CSMD1: variants seen among roughly 807,000 people sequenced by gnomAD.
CSMD1 encodes the protein CUB and Sushi multiple domains 1, also known as CUB and sushi domain-containing protein 1.
CSMD1 carries 213 observed loss-of-function variants against 417.5 expected under a neutral mutation model. The ratio of observed to expected loss-of-function variants is 0.51; its 90% confidence interval spans 0.46 to 0.57. CSMD1 has a LOEUF of 0.57. Among genes scored for constraint, CSMD1 ranks in the 20% least tolerant of loss-of-function variants. The probability of loss-of-function intolerance (pLI) is 0.00; values close to 1 mark genes in which losing one functional copy is unlikely to be tolerated. For missense variants in CSMD1, 6,923 were observed against 4,529.7 expected (o/e 1.53, Z -15.17); for synonymous variants, 2,862 against 1,736.8 (o/e 1.65, Z -16.11).
At chr8:4,304,289 T>C (rs1386738816) in intron 3 of CSMD1, among the ~76,000 whole-genome samples, 6 of 152,206 alleles carry the variant, frequency 3.9e-5, no homozygotes, top group Non-Finnish European at 8.8e-5. Context: ...ACGGGTAACA[T>C]GTTCAATATA....
intron 10 of CSMD1, among the ~76,000 whole-genome samples, chr8:3,497,910 T>C (rs1367602142): frequency 6.6e-6 from 1 of 152,356 alleles, no homozygotes; most frequent in African/African-American, 2.4e-5. Flanking sequence ...CTTTTGTGTG[T>C]CTTCACAATG....
At chr8:2,942,381 C>G (rs1801937221) in intron 69 of CSMD1, 91 bp downstream of exon 69, 1 of 1,024,734 alleles carries the variant, frequency 9.8e-7, no homozygotes, top group African/African-American at 1.6e-5. Flanking sequence ...ATATAAAATA[C>G]ATGTGCATGT....
At chr8:3,047,483 C>A (rs866963482) in intron 50 of CSMD1, among the ~76,000 whole-genome samples, 7 of 152,176 alleles carry the variant, frequency 4.6e-5, no homozygotes, top group Admixed American at 2.0e-4. Flanking sequence ...TCAGAGCACA[C>A]GCTCCAGGAC....
At chr8:3,952,548 T>C (rs1811661527) in intron 5 of CSMD1, among the ~76,000 whole-genome samples, 2 of 152,126 alleles carry the variant, frequency 1.3e-5, no homozygotes, top group Non-Finnish European at 2.9e-5. Flanking sequence ...TTTTTAACAG[T>C]ATAAATTCAC....
At chr8:3,800,333 T>A (rs1339912644) in intron 5 of CSMD1, among the ~76,000 whole-genome samples, 1 of 152,152 alleles carries the variant, frequency 6.6e-6, no homozygotes, top group African/African-American at 2.4e-5. Context: ...TTTTATAATA[T>A]GTCAAAATAT....
At chr8:3,970,963 C>T (rs1813043415) in intron 5 of CSMD1, among the ~76,000 whole-genome samples, 1 of 152,082 alleles carries the variant, frequency 6.6e-6, no homozygotes, top group Non-Finnish European at 1.5e-5. Flanking sequence ...GTTGGCCGGG[C>T]TGGTCTCGAA....
chr8:4,486,640 G>A (rs1419041856), intron 2 of CSMD1, among the ~76,000 whole-genome samples: 4 of 152,028 alleles, frequency 2.6e-5, no homozygotes, highest in Non-Finnish European at 5.9e-5. Flanking sequence ...CCTAAACACT[G>A]TGACATACAT....
chr8:4,594,107 A>C (rs972072211), intron 2 of CSMD1, among the ~76,000 whole-genome samples: 7 of 150,904 alleles, frequency 4.6e-5, no homozygotes, highest in African/African-American at 1.7e-4. Context: ...CTATGTGTCA[A>C]GTTTCCCCTT....
At chr8:3,720,031 G>A (rs1224180795) in intron 6 of CSMD1, among the ~76,000 whole-genome samples, 2 of 152,214 alleles carry the variant, frequency 1.3e-5, no homozygotes, top group Admixed American at 1.3e-4. Context: ...GCAATGTCTA[G>A]CCTGTGTGGT....
At chr8:4,631,362 A>C (rs7816030) in intron 2 of CSMD1, among the ~76,000 whole-genome samples, 82,966 of 151,252 alleles carry the variant, frequency 0.55, 23,725 homozygotes, top group Admixed American at 0.69. Context: ...ATTCAGTCTC[A>C]AGACAATAAA....
chr8:3,656,604 C>A (rs145263593), intron 7 of CSMD1, among the ~76,000 whole-genome samples: 14 of 152,286 alleles, frequency 9.2e-5, no homozygotes, highest in Non-Finnish European at 8.8e-5. Context: ...ACTCTCCTTT[C>A]TTCCTTGCTG....
intron 1 of CSMD1, among the ~76,000 whole-genome samples, chr8:4,834,788 C>G (rs1299809699): frequency 1.3e-5 from 2 of 151,268 alleles, no homozygotes; most frequent in Non-Finnish European, 2.9e-5. Flanking sequence ...AACCCCGTCT[C>G]TACTAAAAAC....
chr8:4,305,170 C>G (rs1304597431), intron 3 of CSMD1, among the ~76,000 whole-genome samples: 1 of 152,172 alleles, frequency 6.6e-6, no homozygotes, highest in Non-Finnish European at 1.5e-5. Context: ...TAGTTTTTAA[C>G]CCAATTACAT....
intron 3 of CSMD1, among the ~76,000 whole-genome samples, chr8:4,044,236 T>G (rs1327909759): frequency 6.6e-6 from 1 of 152,204 alleles, no homozygotes; most frequent in Non-Finnish European, 1.5e-5. Context: ...AATAACTTAT[T>G]TTCTCATACT....
chr8:4,053,978 A>T (rs931741983), intron 3 of CSMD1, among the ~76,000 whole-genome samples: 2 of 152,170 alleles, frequency 1.3e-5, no homozygotes, highest in African/African-American at 2.4e-5. Context: ...AAAAGTATAT[A>T]AGGAAGTTAA....
At chr8:4,538,716 A>G (rs1797232720) in intron 2 of CSMD1, among the ~76,000 whole-genome samples, 1 of 152,228 alleles carries the variant, frequency 6.6e-6, no homozygotes, top group South Asian at 2.1e-4. Context: ...CTTGTCATAC[A>G]TCCTAGCAAG....
chr8:3,753,104 C>G (rs1797445203), intron 6 of CSMD1, among the ~76,000 whole-genome samples: 2 of 152,102 alleles, frequency 1.3e-5, no homozygotes, highest in African/African-American at 4.8e-5. Context: ...GGCTTGGTGT[C>G]CTCTCTGGCA....
At chr8:4,520,140 G>C (rs1184197915) in intron 2 of CSMD1, among the ~76,000 whole-genome samples, 1 of 152,180 alleles carries the variant, frequency 6.6e-6, no homozygotes, top group Non-Finnish European at 1.5e-5. Context: ...AAAGAGCAAA[G>C]TGGTAGAGCT....
At chr8:3,890,622 G>T (rs553229540) in intron 5 of CSMD1, among the ~76,000 whole-genome samples, 2 of 152,044 alleles carry the variant, frequency 1.3e-5, no homozygotes, top group Non-Finnish European at 2.9e-5. Flanking sequence ...ATATTTTTCC[G>T]ATTTCAGAGA....
Sources: allele counts gnomAD v4.1 joint callset (sites outside exome capture counted in the v4.1 genomes callset), GRCh38; gene constraint gnomAD v4.1.1; transcripts MANE v1.5; gene names NCBI Gene and HGNC (gene_info 2026-07-23, HGNC 2026-07-21).